EDIL3: variants seen among roughly 807,000 people sequenced by gnomAD.
EDIL3 encodes EGF-like repeat and discoidin I-like domain-containing protein 3.
EDIL3 carries 37 observed loss-of-function variants against 67.4 expected under a neutral mutation model. The observed-to-expected ratio is 0.55, with a 90% CI of 0.42 to 0.72. The LOEUF (loss-of-function observed/expected upper bound fraction) is 0.72. Among genes scored for constraint, EDIL3 ranks in the 30% least tolerant of loss-of-function variants. The pLI, the probability that EDIL3 is intolerant of heterozygous loss-of-function variation, is 0.00. For synonymous variants in EDIL3, 195 were observed against 196.3 expected (o/e 0.99, Z 0.05); for missense variants, 527 against 586.3 (o/e 0.90, Z 1.04).
chr5:84,373,378 T>A (rs1274121037), intron 1 of EDIL3, among the ~76,000 whole-genome samples: 1 of 152,174 alleles, frequency 6.6e-6, no homozygotes, highest in African/African-American at 2.4e-5. Flanking sequence ...ATGTTTGTAA[T>A]TACCAAAATT....
At chr5:84,049,274 C>A (rs1746286216) in intron 9 of EDIL3, among the ~76,000 whole-genome samples, 1 of 150,408 alleles carries the variant, frequency 6.6e-6, no homozygotes, top group African/African-American at 2.5e-5. Flanking sequence ...TTGGAAATTC[C>A]ATTTTGGAGG....
chr5:84,154,601 G>T (rs1481026036), intron 4 of EDIL3, among the ~76,000 whole-genome samples: 1 of 148,800 alleles, frequency 6.7e-6, no homozygotes, highest in Non-Finnish European at 1.5e-5. Flanking sequence ...CTTGTTAGGA[G>T]AAGTATAAAC....
intron 10 of EDIL3, among the ~76,000 whole-genome samples, chr5:83,959,301 G>T (rs919519229): frequency 2.7e-5 from 4 of 149,398 alleles, no homozygotes; most frequent in African/African-American, 9.8e-5. Flanking sequence ...AAACAAAAAG[G>T]CCATTGATAC....
intron 1 of EDIL3, among the ~76,000 whole-genome samples, chr5:84,329,222 A>C (rs1452874365): frequency 6.6e-6 from 1 of 152,138 alleles, no homozygotes; most frequent in Non-Finnish European, 1.5e-5. Flanking sequence ...TGAAAACCTT[A>C]ATGCCAAATC....
intron 1 of EDIL3, among the ~76,000 whole-genome samples, chr5:84,339,193 T>C (rs2112174894): frequency 6.6e-6 from 1 of 152,272 alleles, no homozygotes; most frequent in African/African-American, 2.4e-5. Flanking sequence ...TGTGTGACAT[T>C]GGGAAATTTA....
At chr5:84,377,542 C>A (rs534109402) in intron 1 of EDIL3, among the ~76,000 whole-genome samples, 23 of 152,196 alleles carry the variant, frequency 1.5e-4, no homozygotes, top group Admixed American at 1.4e-3. Flanking sequence ...CTAAATGGTT[C>A]CCCTGACCTA....
intron 9 of EDIL3, among the ~76,000 whole-genome samples, chr5:84,044,717 C>T (rs1428926): frequency 0.31 from 46,722 of 151,826 alleles, 7,320 homozygotes; most frequent in African/African-American, 0.36. Flanking sequence ...GCTCTGCGGG[C>T]GGTAGAAAGC....
chr5:84,330,758 GA>G (rs1746854559), intron 1 of EDIL3, among the ~76,000 whole-genome samples: 1 of 152,148 alleles, frequency 6.6e-6, no homozygotes, highest in African/African-American at 2.4e-5. Context: ...CACCACCCTG[GA>G]AAGCAAGCAG....
Position 84,179,134 on chromosome 5 carries a change from A to C in EDIL3, c.355+1259T>G, listed in dbSNP as rs3822640. 4.3e-4 allele frequency among the ~76,000 whole-genome samples: 65 copies of C among 152,214 alleles called. 2 individuals are homozygous for C. The East Asian group carries it at 0.011, about 26-fold the overall frequency. ...GCCTCTGATGCCACATCACAGGGTA[A>C]GTAAGGGTAAGTAACATGGTCTTCA... is the stretch of plus-strand genomic sequence containing the variant. On this transcript the variant is annotated intron_variant, in intron 4 of 10. Transcript: ENST00000296591.
rs186385209 is a variant in EDIL3, at chr5:83,967,465, C to T, written c.1138-4105G>A. On this transcript the variant is annotated intron_variant, in intron 9 of 10. Coordinates refer to ENST00000296591, the MANE Select transcript of EDIL3 (RefSeq NM_005711.5). The stretch of plus-strand genomic sequence containing the variant: ...AAATCTTATTGAGTTACTTATTTCA[C>T]TCTAAGAATGAAAACAAGAGGGAGG... 6.6e-5 allele frequency among the ~76,000 whole-genome samples: 10 copies of T among 152,074 alleles called. No individual in the cohort carries two copies. In the East Asian group the frequency reaches 1.9e-3, roughly 29 times the overall value.
chr5:84,041,840 C>A (rs1396793583), intron 9 of EDIL3, among the ~76,000 whole-genome samples: 1 of 151,756 alleles, frequency 6.6e-6, no homozygotes, highest in Non-Finnish European at 1.5e-5. Context: ...TAACAAAGGG[C>A]CATCAAATCC....
In EDIL3 at chr5:84,020,506, T is replaced by C. The variant is rs141108488; in HGVS notation, c.1137+39794A>G. ...GGGAACACCTTTATTGACTACTTAATAATCAATTCTTCTTCGCATCTCTTT... is the reference window on the plus strand; with the variant it reads ...GGGAACACCTTTATTGACTACTTAACAATCAATTCTTCTTCGCATCTCTTT... On this transcript the variant is annotated intron_variant, in intron 9 of 10. Transcript: ENST00000296591. Among the ~76,000 whole-genome samples, 813 of 152,176 alleles carry C rather than the reference T, an allele frequency of 5.3e-3. 2 individuals are homozygous for C. The highest frequency in any genetic ancestry group is 7.0e-3 in the Non-Finnish European group (477 of 67,968).
intron 9 of EDIL3, among the ~76,000 whole-genome samples, chr5:84,020,149 A>G (rs1249563436): frequency 6.6e-6 from 1 of 151,648 alleles, no homozygotes; most frequent in Non-Finnish European, 1.5e-5. Context: ...AGCATTCTAA[A>G]GGCATGCTTT....
intron 4 of EDIL3, among the ~76,000 whole-genome samples, chr5:84,177,153 T>A (rs1226328533): frequency 6.6e-6 from 1 of 152,176 alleles, no homozygotes; most frequent in Non-Finnish European, 1.5e-5. Flanking sequence ...CTATAGCAGC[T>A]TTATTTATAA....
intron 9 of EDIL3, among the ~76,000 whole-genome samples, chr5:83,986,964 A>T (rs1331637503): frequency 6.6e-6 from 1 of 152,124 alleles, no homozygotes; most frequent in African/African-American, 2.4e-5. Context: ...TTTCTTAGTA[A>T]CGAGCCATGA....
chr5:84,046,020 C>A (rs1381722902), intron 9 of EDIL3, among the ~76,000 whole-genome samples: 1 of 152,176 alleles, frequency 6.6e-6, no homozygotes, highest in Non-Finnish European at 1.5e-5. Flanking sequence ...CTGGACAGAG[C>A]AGGGTTCTCT....
At chr5:83,974,490 T>A (rs12054880) in intron 9 of EDIL3, among the ~76,000 whole-genome samples, 4,153 of 151,494 alleles carry the variant, frequency 0.027, 147 homozygotes, top group East Asian at 0.08. Context: ...AAAAAAAAAA[T>A]TTTTTTGTTC....
rs534588589 is a variant in EDIL3 at position 83,985,025 on chromosome 5, T to C, written c.1138-21665A>G. Among the ~76,000 whole-genome samples, 5 of 152,010 alleles carry C rather than the reference T, an allele frequency of 3.3e-5. No individual in the cohort carries two copies. The East Asian group carries it at 5.8e-4, about 18-fold the overall frequency. On this transcript the variant is annotated intron_variant, in intron 9 of 10. Coordinates refer to ENST00000296591, the MANE Select transcript of EDIL3 (RefSeq NM_005711.5). ...CAAGCATGATATGATTTCTACAATTTTTAAATTTCCTCGATTCTCTTTTCA... is the reference window on the plus strand; with the variant it reads ...CAAGCATGATATGATTTCTACAATTCTTAAATTTCCTCGATTCTCTTTTCA...
intron 4 of EDIL3, among the ~76,000 whole-genome samples, chr5:84,169,797 G>A (rs1032177966): frequency 1.3e-5 from 2 of 151,836 alleles, no homozygotes; most frequent in African/African-American, 4.8e-5. Flanking sequence ...GCCTGTTGAA[G>A]GACATCTGTG....
Sources: gnomAD v4.1 joint callset for allele counts (sites outside exome capture counted in the v4.1 genomes callset) on GRCh38, gnomAD v4.1.1 for gene constraint, MANE v1.5 for transcripts, NCBI Gene and HGNC (gene_info 2026-07-23, HGNC 2026-07-21) for gene names.